The following BBS4 variants were observed in gnomAD, a reference collection of about 807,000 sequenced individuals.
The protein encoded by BBS4 is BBSome complex member BBS4.
Under a neutral mutation model 71.4 loss-of-function variants are expected in BBS4, and 58 were observed. The ratio of observed to expected loss-of-function variants is 0.81; its 90% confidence interval spans 0.66 to 1.01. The LOEUF (loss-of-function observed/expected upper bound fraction) is 1.01. Ranked by LOEUF, BBS4 falls within the 50% of genes least tolerant of loss-of-function variation. BBS4 has a pLI of 0.00. For missense variants in BBS4, 660 were observed against 607.9 expected (o/e 1.09, Z -0.90); for synonymous variants, 228 against 216.8 (o/e 1.05, Z -0.46).
intron 2 of BBS4, among the ~76,000 whole-genome samples, chr15:72,701,050 G>A (rs915596700): frequency 3.9e-5 from 6 of 152,088 alleles, no homozygotes; most frequent in East Asian, 1.9e-4. Flanking sequence ...ACATATCCAT[G>A]TAATCACCAT....
intron 8 of BBS4, 63 bp downstream of exon 8, chr15:72,724,718 T>C: frequency 6.3e-7 from 1 of 1,578,096 alleles, no homozygotes; most frequent in Non-Finnish European, 8.7e-7. Flanking sequence ...ATATGTGAAC[T>C]CCCAAGCCTA....
intron 8 of BBS4, among the ~76,000 whole-genome samples, chr15:72,725,620 A>T (rs766224964): frequency 8.2e-4 from 125 of 152,084 alleles, no homozygotes; most frequent in Admixed American, 1.2e-3. Flanking sequence ...AAAACAAAAC[A>T]AAACATTTGG....
intron 8 of BBS4, among the ~76,000 whole-genome samples, chr15:72,726,074 C>G: frequency 7.2e-6 from 1 of 139,236 alleles, no homozygotes; most frequent in Non-Finnish European, 1.5e-5. Flanking sequence ...TCCCATCTTT[C>G]TTTGTTTCTT....
chr15:72,709,824 G>A, intron 3 of BBS4, 45 bp downstream of exon 3: 1 of 1,514,652 alleles, frequency 6.6e-7, no homozygotes, highest in Non-Finnish European at 9.2e-7. Flanking sequence ...AGGATGTTGG[G>A]TAGGCAACTA....
At chr15:72,692,755 T>G (rs1448096614) in intron 1 of BBS4, among the ~76,000 whole-genome samples, 1 of 151,964 alleles carries the variant, frequency 6.6e-6, no homozygotes, top group Non-Finnish European at 1.5e-5. Flanking sequence ...CCACTATGCC[T>G]GGCTAATTTC....
At chr15:72,712,218 C>T in intron 3 of BBS4, 26 bp from the exon 4 acceptor site, 1 of 1,610,346 alleles carries the variant, frequency 6.2e-7, no homozygotes, top group Non-Finnish European at 8.5e-7. Context: ...AACCACTGCT[C>T]AGAAGCATTT....
At chr15:72,701,406 T>C (rs781059066) in intron 2 of BBS4, among the ~76,000 whole-genome samples, 5 of 152,210 alleles carry the variant, frequency 3.3e-5, no homozygotes, top group Non-Finnish European at 2.9e-5. Context: ...TGATGTATTA[T>C]GAATAATGCC....
chr15:72,709,765 T>G lies in BBS4; in HGVS notation c.142T>G (p.Tyr48Asp), dbSNP rs1373920809. 24 of 1,613,452 alleles carry G rather than the reference T, an allele frequency of 1.5e-5. No individual in the cohort carries two copies. Among genetic ancestry groups the G allele is most frequent in the East Asian group, 6.7e-5 (3 of 44,876 alleles). The change falls in exon 3 of 16, where the codon TAT becomes GAT. Residue 48 changes from tyrosine to aspartate, a missense_variant. Transcript: ENST00000268057. ...LIHLHYIRKD[Y>D]EACKAVIKEQ... ...TCATCTTCATTATATCCGGAAAGAT[T>G]ATGAAGCCTGCAAGGTAAGAGATTG... is the stretch of plus-strand genomic sequence containing the variant.
chr15:72,714,586 T>G (rs539805438), intron 4 of BBS4, among the ~76,000 whole-genome samples: 3 of 152,340 alleles, frequency 2.0e-5, no homozygotes, highest in East Asian at 3.9e-4. Flanking sequence ...TCCAGGAACT[T>G]TCTTTTTGAC....
intron 3 of BBS4, among the ~76,000 whole-genome samples, chr15:72,710,120 C>T (rs2065339011): frequency 6.7e-6 from 1 of 149,264 alleles, no homozygotes; most frequent in African/African-American, 2.5e-5. Context: ...TGTTGGTCTT[C>T]TGGTGGAGGC....
chr15:72,703,451 T>C (rs982846419), intron 2 of BBS4, among the ~76,000 whole-genome samples: 2 of 152,258 alleles, frequency 1.3e-5, no homozygotes, highest in Non-Finnish European at 1.5e-5. Context: ...ATTTATATTC[T>C]TTTCAAGATT....
At chr15:72,686,295 G>A (rs563626142) in intron 1 of BBS4, 44 bp downstream of exon 1, 10 of 1,554,174 alleles carry the variant, frequency 6.4e-6, no homozygotes, top group African/African-American at 1.4e-5. Flanking sequence ...GCAGGGCAAG[G>A]CAAGCTGGCG....
chr15:72,688,862 G>A (rs2064929145), intron 1 of BBS4, among the ~76,000 whole-genome samples: 2 of 152,282 alleles, frequency 1.3e-5, no homozygotes, highest in South Asian at 2.1e-4. Flanking sequence ...CATTAATAGG[G>A]TAATTGATGA....
rs569812245 is a variant in BBS4 at position 72,718,072 on chromosome 15, C to G, written c.405+1222C>G. ...CCATGTTGGCTAGGCTGGTCTCCAA[C>G]TCCTGACCTCAGGTGATTCACCTGC... On this transcript the variant is annotated intron_variant, in intron 6 of 15. Transcript: ENST00000268057. Among the ~76,000 whole-genome samples, 18 of 152,294 alleles carry G rather than the reference C, an allele frequency of 1.2e-4. No homozygotes were observed. In the East Asian group the frequency reaches 3.5e-3, roughly 29 times the overall value.
In BBS4 at chr15:72,735,808, ATC is replaced by A. The variant is rs762731360; in HGVS notation, c.1107-13_1107-12del. The A allele has an allele frequency of 1.1e-5, 17 of 1,614,130 alleles. No individual in the cohort carries two copies. The highest frequency in any genetic ancestry group is 3.3e-5 in the South Asian group (3 of 91,068). ...GTTGCAGAGCCCCCAGCTCCATAGAATCTCTGTCTGCCACAGGTGTAACCCTT... is the reference window on the plus strand; with the variant it reads ...GTTGCAGAGCCCCCAGCTCCATAGAATCTGTCTGCCACAGGTGTAACCCTT... On this transcript the variant is annotated splice_polypyrimidine_tract_variant and intron_variant, in intron 13 of 15. Transcript: ENST00000268057.
At chr15:72,731,116 C>A (rs545153756) in intron 10 of BBS4, among the ~76,000 whole-genome samples, 189 bp from the exon 11 acceptor site, 1 of 113,722 alleles carries the variant, frequency 8.8e-6, no homozygotes, top group Admixed American at 1.2e-4. Flanking sequence ...CAGAGAGCCA[C>A]AGTGTAGAGT....
rs975177740 is a variant in BBS4, at chr15:72,704,394, G to T, written c.77-5306G>T. 3 of 1,238,832 alleles carry T rather than the reference G, an allele frequency of 2.4e-6. No homozygotes were observed. The Admixed American group carries it at 6.9e-5, about 29-fold the overall frequency. The allele number at this position is 1,238,832 out of a possible 1,614,324, so 76.7% of individuals were successfully genotyped here. On this transcript the variant is annotated intron_variant, in intron 2 of 15. Transcript: ENST00000268057. ...AGTAATTCTCATAATACCTGTGAAA[G>T]CATATAAGAACCAGTATCTCCATTT...
At chr15:72,719,906 A>G (rs930995278) in intron 6 of BBS4, among the ~76,000 whole-genome samples, 1 of 151,806 alleles carries the variant, frequency 6.6e-6, no homozygotes, top group South Asian at 2.1e-4. Flanking sequence ...ACCCGCCACC[A>G]TGCCCAGCTA....
chr15:72,728,145 A>G (rs970207111), intron 9 of BBS4, 151 bp downstream of exon 9: 1 of 646,148 alleles, frequency 1.5e-6, no homozygotes, highest in African/African-American at 1.8e-5. Flanking sequence ...ACTCTTTGCT[A>G]AAGGAATTAA....
Sources: gnomAD v4.1 joint callset for allele counts (sites outside exome capture counted in the v4.1 genomes callset) on GRCh38, gnomAD v4.1.1 for gene constraint, MANE v1.5 for transcripts, NCBI Gene and HGNC (gene_info 2026-07-23, HGNC 2026-07-21) for gene names.